Variants in MACROD2 observed in about 807,000 individuals in gnomAD.
MACROD2 encodes ADP-ribose glycohydrolase MACROD2.
Under a neutral mutation model 70.4 loss-of-function variants are expected in MACROD2, and 36 were observed. The ratio of observed to expected loss-of-function variants is 0.51; its 90% CI spans 0.39 to 0.68. The LOEUF is 0.68. Ranked by LOEUF, MACROD2 falls within the 30% of genes least tolerant of loss-of-function variation. The probability of loss-of-function intolerance (pLI) is 0.00; values close to 1 mark genes in which losing one functional copy is unlikely to be tolerated. For missense variants in MACROD2, 496 were observed against 538.4 expected (o/e 0.92, Z 0.78); for synonymous variants, 172 against 178.8 (o/e 0.96, Z 0.30).
chr20:15,123,746 A>C (rs1431893956), intron 5 of MACROD2, among the ~76,000 whole-genome samples: 2 of 152,202 alleles, frequency 1.3e-5, no homozygotes, highest in African/African-American at 4.8e-5. Context: ...AGTTTGAATC[A>C]AATTTTCTGC....
intron 2 of MACROD2, among the ~76,000 whole-genome samples, chr20:14,007,269 T>A (rs1395297183): frequency 6.6e-6 from 1 of 152,220 alleles, no homozygotes; most frequent in African/African-American, 2.4e-5. Flanking sequence ...ATATTTCCCT[T>A]ATTTACTGAT....
At chr20:15,947,526 G>A (rs896968372) in intron 12 of MACROD2, among the ~76,000 whole-genome samples, 1 of 152,162 alleles carries the variant, frequency 6.6e-6, no homozygotes, top group African/African-American at 2.4e-5. Flanking sequence ...TGAGCTCAAG[G>A]TTGGGGCAAA....
intron 3 of MACROD2, among the ~76,000 whole-genome samples, chr20:14,242,810 G>A (rs114661035): frequency 0.02 from 3,093 of 152,126 alleles, 101 homozygotes; most frequent in African/African-American, 0.069. Context: ...CAAGAAACAC[G>A]AGCTTATACA....
intron 3 of MACROD2, among the ~76,000 whole-genome samples, chr20:14,405,897 G>A (rs755934692): frequency 1.3e-5 from 2 of 152,088 alleles, no homozygotes; most frequent in Non-Finnish European, 2.9e-5. Context: ...TCAATTCATT[G>A]ACTAGAGGTC....
intron 4 of MACROD2, among the ~76,000 whole-genome samples, chr20:14,537,820 A>T (rs1406846262): frequency 6.6e-6 from 1 of 152,186 alleles, no homozygotes; most frequent in Non-Finnish European, 1.5e-5. Flanking sequence ...GTCCGAAGGT[A>T]GACAATTCTC....
intron 5 of MACROD2, among the ~76,000 whole-genome samples, chr20:14,731,197 A>G (rs549215186): frequency 2.6e-5 from 4 of 152,152 alleles, no homozygotes; most frequent in Admixed American, 6.6e-5. Flanking sequence ...AGATCCATCA[A>G]AAACAACACT....
intron 8 of MACROD2, among the ~76,000 whole-genome samples, chr20:15,706,068 G>C (rs2050527594): frequency 6.6e-6 from 1 of 152,194 alleles, no homozygotes; most frequent in South Asian, 2.1e-4. Flanking sequence ...TTACATGCCT[G>C]CCTTATAAAT....
chr20:14,418,073 G>T (rs4814302), intron 3 of MACROD2, among the ~76,000 whole-genome samples: 1 of 151,988 alleles, frequency 6.6e-6, no homozygotes, highest in Admixed American at 6.6e-5. Context: ...TGAAGACTCT[G>T]TCTCTTAAGA....
chr20:15,211,203 C>G (rs2076760729), intron 5 of MACROD2, among the ~76,000 whole-genome samples: 1 of 152,126 alleles, frequency 6.6e-6, no homozygotes, highest in Admixed American at 6.6e-5. Context: ...ACTATATTCT[C>G]TTTTGTCTCT....
chr20:14,796,626 G>A (rs6042927), intron 5 of MACROD2, among the ~76,000 whole-genome samples: 5 of 151,838 alleles, frequency 3.3e-5, no homozygotes, highest in African/African-American at 9.7e-5. Flanking sequence ...AACTGTGCTC[G>A]ACTTTTTGTT....
At chr20:15,863,422 T>A (rs891799350) in intron 9 of MACROD2, among the ~76,000 whole-genome samples, 1 of 152,186 alleles carries the variant, frequency 6.6e-6, no homozygotes, top group Non-Finnish European at 1.5e-5. Flanking sequence ...TTACATCGAT[T>A]GAATGTGCCG....
chr20:15,720,466 A>G (rs78220486), intron 8 of MACROD2, among the ~76,000 whole-genome samples: 8,193 of 152,262 alleles, frequency 0.054, 312 homozygotes, highest in East Asian at 0.16. Context: ...CCTTCTCTGC[A>G]CTAATCACAA....
intron 5 of MACROD2, among the ~76,000 whole-genome samples, chr20:14,988,192 C>T (rs78103832): frequency 6.6e-6 from 1 of 151,758 alleles, no homozygotes; most frequent in African/African-American, 2.4e-5. Context: ...GGCGAAATCC[C>T]GTCTCTACAA....
intron 5 of MACROD2, among the ~76,000 whole-genome samples, chr20:15,047,947 G>A (rs531790137): frequency 2.2e-4 from 33 of 152,038 alleles, no homozygotes; most frequent in Admixed American, 1.8e-3. Context: ...CACTAGACAT[G>A]AACAAGAAAA....
intron 13 of MACROD2, among the ~76,000 whole-genome samples, chr20:15,973,569 A>C (rs971237364): frequency 4.6e-5 from 7 of 152,216 alleles, no homozygotes; most frequent in Non-Finnish European, 8.8e-5. Flanking sequence ...AAATAATAAC[A>C]ATAACTAGCA....
Position 14,700,110 on chromosome 20 carries a change from A to AC in MACROD2, c.418+15151_418+15152insC, listed in dbSNP as rs1262215836. On this transcript the variant is annotated intron_variant, in intron 5 of 17. Transcript: ENST00000684519. ...TTAAATCTAGAAGTTTAAAGTTTAAATTTTAAATCTAGAAGTTTAAAGTTT... is the reference window on the plus strand; with the variant it reads ...TTAAATCTAGAAGTTTAAAGTTTAAACTTTTAAATCTAGAAGTTTAAAGTTT... 5.8e-4 allele frequency among the ~76,000 whole-genome samples: 88 copies of AC among 151,570 alleles called. 1 individual carries two copies. The highest frequency in any genetic ancestry group is 4.2e-3 in the South Asian group (20 of 4,808).
At chr20:14,447,172 C>T (rs953960912) in intron 3 of MACROD2, among the ~76,000 whole-genome samples, 3 of 152,048 alleles carry the variant, frequency 2.0e-5, no homozygotes, top group Non-Finnish European at 4.4e-5. Flanking sequence ...GCACCCACCA[C>T]CACACCCAGC....
chr20:14,391,302 A>C (rs1360263104), intron 3 of MACROD2, among the ~76,000 whole-genome samples: 1 of 152,206 alleles, frequency 6.6e-6, no homozygotes, highest in Non-Finnish European at 1.5e-5. Flanking sequence ...TAAAAGGAAC[A>C]AGATCATGTC....
intron 6 of MACROD2, among the ~76,000 whole-genome samples, chr20:15,375,515 C>T (rs2045550478): frequency 6.6e-6 from 1 of 152,060 alleles, no homozygotes. Context: ...TCACCCATTG[C>T]AGAAGCAGAA....
Sources: gnomAD v4.1 joint callset for allele counts (sites outside exome capture counted in the v4.1 genomes callset) on GRCh38, gnomAD v4.1.1 for gene constraint, MANE v1.5 for transcripts, NCBI Gene and HGNC (gene_info 2026-07-23, HGNC 2026-07-21) for gene names.